The following MECOM variants were observed in gnomAD, a reference collection of about 807,000 sequenced individuals.
MECOM encodes the protein histone-lysine N-methyltransferase MECOM.
A neutral mutation model predicts 116.3 loss-of-function variants in MECOM; 13 were observed. That is an observed-to-expected ratio of 0.11 (90% CI 0.07 to 0.18). The LOEUF (loss-of-function observed/expected upper bound fraction) is 0.18. MECOM is among the 10% of genes least tolerant of loss of function. The pLI is 1.00. For synonymous variants in MECOM, 528 were observed against 535.2 expected, an observed-to-expected ratio of 0.99 and a Z score of 0.19; for missense variants, 1,299 against 1,509.0, an observed-to-expected ratio of 0.86 and a Z score of 2.31.
intron 5 of MECOM, among the ~76,000 whole-genome samples, chr3:169,124,985 T>A (rs982629071): frequency 3.9e-5 from 6 of 152,084 alleles, no homozygotes; most frequent in Admixed American, 2.0e-4. Context: ...GAAGTGCCCA[T>A]TCTCATATCT....
chr3:169,149,676 G>T (rs776227264), intron 2 of MECOM: 2 of 494,248 alleles, frequency 4.0e-6, no homozygotes, highest in Non-Finnish European at 8.1e-6. Context: ...CTGAGAGAAG[G>T]CTATTCCTAC....
intron 12 of MECOM, among the ~76,000 whole-genome samples, chr3:169,096,965 GTTTT>G (rs10577272): frequency 7.5e-6 from 1 of 132,634 alleles, no homozygotes; most frequent in Admixed American, 7.2e-5. Context: ...TTTAGCCCCA[GTTTT>G]TTTTTTTTTT....
chr3:169,219,098 T>C (rs1039861460), intron 2 of MECOM, among the ~76,000 whole-genome samples: 10 of 152,148 alleles, frequency 6.6e-5, no homozygotes, highest in African/African-American at 2.4e-4. Flanking sequence ...ACAGCAAACA[T>C]CGAAGTATCA....
intron 1 of MECOM, among the ~76,000 whole-genome samples, chr3:169,511,853 T>G (rs1756010993): frequency 6.6e-6 from 1 of 152,208 alleles, no homozygotes; most frequent in Admixed American, 6.5e-5. Flanking sequence ...GTTTAACAAT[T>G]TCTATAATTT....
intron 9 of MECOM, among the ~76,000 whole-genome samples, chr3:169,112,521 G>C (rs1222335142): frequency 6.6e-6 from 1 of 152,112 alleles, no homozygotes; most frequent in East Asian, 1.9e-4. Flanking sequence ...ACTGAATCCT[G>C]CTCACTCCAA....
rs1450928280 is a variant in MECOM, at chr3:169,327,535, G to A, written c.375+53652C>T. ...TGCCTGTAGTCTCAGTCACTCGGGA[G>A]GCTGAGGCGGGAGAATTGCTTGAAG... On this transcript the variant is annotated intron_variant, in intron 2 of 16. Transcript: ENST00000651503. Among the ~76,000 whole-genome samples, 4 of 151,502 alleles carry A rather than the reference G, an allele frequency of 2.6e-5. No homozygotes were observed. The East Asian group carries it at 7.8e-4, about 30-fold the overall frequency.
chr3:169,447,172 C>T (rs1744782289), intron 1 of MECOM, among the ~76,000 whole-genome samples: 1 of 152,088 alleles, frequency 6.6e-6, no homozygotes, highest in South Asian at 2.1e-4. Flanking sequence ...TTCTTGACCC[C>T]TTGTGAAGAT....
chr3:169,527,673 T>C (rs1758116761), intron 1 of MECOM, among the ~76,000 whole-genome samples: 1 of 152,206 alleles, frequency 6.6e-6, no homozygotes, highest in Non-Finnish European at 1.5e-5. Context: ...AGAGGCTGCA[T>C]TGTGCCAGAG....
At chr3:169,131,682 T>C (rs1734771270) in intron 3 of MECOM, 151 bp from the exon 4 acceptor site, 6 of 711,034 alleles carry the variant, frequency 8.4e-6, no homozygotes, top group Non-Finnish European at 1.3e-5. Flanking sequence ...TGTGATTTCC[T>C]GTTTTATATA....
intron 2 of MECOM, among the ~76,000 whole-genome samples, chr3:169,325,651 C>T (rs1052721992): frequency 2.0e-5 from 3 of 152,214 alleles, no homozygotes; most frequent in African/African-American, 4.8e-5. Flanking sequence ...CTAACATATA[C>T]AATCTTCTGA....
At position 169,145,394 on chromosome 3, in the gene MECOM, A is replaced by G. The variant is rs560624857; in HGVS notation, c.376-1562T>C. On this transcript the variant is annotated intron_variant, in intron 2 of 16. Transcript: ENST00000651503. The stretch of plus-strand genomic sequence containing the variant: ...AGATTTCCCCCCATCCCAGATGTTG[A>G]GAAGGTACATAAATAATAGCAATGC... 26 of 259,566 alleles carry G rather than the reference A, an allele frequency of 1.0e-4. No homozygotes were observed. In the South Asian group the frequency reaches 3.7e-3, roughly 37 times the overall value. The allele number at this position is 259,566 out of a possible 1,614,324, so 16.1% of individuals were successfully genotyped here.
chr3:169,642,738 A>T (rs1773656595), intron 1 of MECOM, among the ~76,000 whole-genome samples: 3 of 113,330 alleles, frequency 2.6e-5, no homozygotes, highest in South Asian at 2.7e-4. Context: ...AAGGTTAATT[A>T]AAAAAAAAAA....
At chr3:169,498,438 CA>C (rs1298153675) in intron 1 of MECOM, among the ~76,000 whole-genome samples, 1 of 152,124 alleles carries the variant, frequency 6.6e-6, no homozygotes, top group East Asian at 1.9e-4. Context: ...AGGAAACCTA[CA>C]ATACTAAAGG....
At chr3:169,348,820 T>C (rs1027347437) in intron 2 of MECOM, among the ~76,000 whole-genome samples, 3 of 151,986 alleles carry the variant, frequency 2.0e-5, no homozygotes, top group African/African-American at 4.8e-5. Context: ...ACAGAACAAA[T>C]GCCTTAGAAT....
chr3:169,373,995 C>T (rs1049329568), intron 2 of MECOM, among the ~76,000 whole-genome samples: 1 of 152,020 alleles, frequency 6.6e-6, no homozygotes, highest in African/African-American at 2.4e-5. Context: ...GAAGCCCTAA[C>T]CCCCATTAGG....
chr3:169,370,351 G>A (rs563621875), intron 2 of MECOM, among the ~76,000 whole-genome samples: 9 of 151,728 alleles, frequency 5.9e-5, no homozygotes, highest in Non-Finnish European at 4.4e-5. Flanking sequence ...CTTACTTATC[G>A]CACACCATAC....
intron 9 of MECOM, among the ~76,000 whole-genome samples, chr3:169,112,155 T>A (rs951446433): frequency 6.6e-6 from 1 of 152,182 alleles, no homozygotes; most frequent in African/African-American, 2.4e-5. Context: ...AATTACTAAA[T>A]GTATAAGGAC....
intron 2 of MECOM, among the ~76,000 whole-genome samples, chr3:169,352,075 T>C (rs1726426175): frequency 6.6e-6 from 1 of 151,918 alleles, no homozygotes; most frequent in Non-Finnish European, 1.5e-5. Flanking sequence ...CAGAACTAAG[T>C]AAAAGTGATG....
intron 1 of MECOM, among the ~76,000 whole-genome samples, chr3:169,412,627 T>G (rs1737746318): frequency 1.3e-5 from 2 of 152,166 alleles, no homozygotes; most frequent in Admixed American, 1.3e-4. Context: ...TCTCATCTCT[T>G]CCCAGTATGA....
Sources: allele counts gnomAD v4.1 joint callset (sites outside exome capture counted in the v4.1 genomes callset), GRCh38; gene constraint gnomAD v4.1.1; transcripts MANE v1.5; gene names NCBI Gene and HGNC (gene_info 2026-07-23, HGNC 2026-07-21).